GRIK2: variants seen among roughly 807,000 people sequenced by gnomAD.
The protein encoded by GRIK2 is glutamate ionotropic receptor kainate type subunit 2.
GRIK2 carries 32 observed loss-of-function variants against 100.3 expected under a neutral mutation model. The ratio of observed to expected loss-of-function variants is 0.32; its 90% CI spans 0.24 to 0.43. GRIK2 has a LOEUF of 0.43. GRIK2 is among the 20% of genes least tolerant of loss of function. GRIK2 has a pLI of 1.00. For missense variants in GRIK2, 843 were observed against 1,114.9 expected, an observed-to-expected ratio of 0.76 and a Z score of 3.47; for synonymous variants, 417 against 389.4, an observed-to-expected ratio of 1.07 and a Z score of -0.83.
intron 14 of GRIK2, among the ~76,000 whole-genome samples, chr6:101,992,664 T>C (rs1002857913): frequency 4.0e-5 from 6 of 151,616 alleles, no homozygotes; most frequent in Admixed American, 4.0e-4. Flanking sequence ...CAAAATCAGA[T>C]TCAGTTTGCA....
intron 10 of GRIK2, among the ~76,000 whole-genome samples, chr6:101,858,662 T>C (rs1039427476): frequency 6.6e-6 from 1 of 152,056 alleles, no homozygotes; most frequent in Non-Finnish European, 1.5e-5. Flanking sequence ...GTGCTGGGAT[T>C]ACAGGTGCAA....
At chr6:102,049,124 G>A (rs1021848871) in intron 15 of GRIK2, among the ~76,000 whole-genome samples, 5 of 152,046 alleles carry the variant, frequency 3.3e-5, no homozygotes, top group Non-Finnish European at 5.9e-5. Context: ...TTCAAAGCCA[G>A]TTGTGGAACT....
At chr6:101,898,106 G>T (rs1397987738) in intron 12 of GRIK2, among the ~76,000 whole-genome samples, 4 of 151,744 alleles carry the variant, frequency 2.6e-5, no homozygotes, top group Admixed American at 2.0e-4. Flanking sequence ...ATTAGTAACT[G>T]TGTGTTTTTA....
intron 2 of GRIK2, among the ~76,000 whole-genome samples, chr6:101,558,191 G>A (rs1776835548): frequency 6.6e-6 from 1 of 152,158 alleles, no homozygotes; most frequent in Non-Finnish European, 1.5e-5. Context: ...CATGCAGAAG[G>A]CTGTATCATT....
intron 7 of GRIK2, among the ~76,000 whole-genome samples, chr6:101,744,192 T>G (rs2128379580): frequency 6.6e-6 from 1 of 152,088 alleles, no homozygotes; most frequent in South Asian, 2.1e-4. Context: ...TCCGCCCGCC[T>G]CGGCCTCCCA....
intron 2 of GRIK2, among the ~76,000 whole-genome samples, chr6:101,578,851 A>G (rs1426431989): frequency 6.6e-6 from 1 of 152,198 alleles, no homozygotes; most frequent in Admixed American, 6.5e-5. Flanking sequence ...CCAGCAACAT[A>G]TAAATTCCAT....
intron 14 of GRIK2, chr6:101,993,332 A>G (rs549879490): frequency 6.6e-6 from 1 of 151,618 alleles, no homozygotes; most frequent in African/African-American, 2.4e-5. Flanking sequence ...TATTTTCTCA[A>G]AGTAAAAAGG....
intron 2 of GRIK2, among the ~76,000 whole-genome samples, chr6:101,415,110 T>A (rs931633278): frequency 6.6e-6 from 1 of 152,112 alleles, no homozygotes; most frequent in Admixed American, 6.6e-5. Flanking sequence ...CATGCAGCTA[T>A]AATCACTGTT....
intron 4 of GRIK2, among the ~76,000 whole-genome samples, chr6:101,639,363 T>G (rs1781176899): frequency 6.6e-6 from 1 of 152,184 alleles, no homozygotes; most frequent in Non-Finnish European, 1.5e-5. Flanking sequence ...ACAGTTATGT[T>G]GACCTAGTGT....
chr6:101,850,278 T>A (rs914952551), intron 10 of GRIK2, among the ~76,000 whole-genome samples: 2 of 152,060 alleles, frequency 1.3e-5, no homozygotes, highest in African/African-American at 2.4e-5. Context: ...TTGATTTGTT[T>A]TTCATTGTTC....
chr6:101,527,451 T>A (rs1767307651), intron 2 of GRIK2, among the ~76,000 whole-genome samples: 1 of 152,192 alleles, frequency 6.6e-6, no homozygotes, highest in East Asian at 1.9e-4. Flanking sequence ...GAGATACCTC[T>A]TATCAAGGCA....
At chr6:101,403,926 A>G (rs1775468549) in intron 2 of GRIK2, among the ~76,000 whole-genome samples, 3 of 152,220 alleles carry the variant, frequency 2.0e-5, no homozygotes, top group Non-Finnish European at 2.9e-5. Context: ...AGTTTTTCTC[A>G]TAAGTTCTCA....
rs376865962 is a variant in GRIK2, at chr6:101,626,569, G to A, written c.473G>A (p.Arg158His). The change falls in exon 4 of 17, where the codon CGT becomes CAT. Residue 158 changes from arginine to histidine, a missense_variant. Around this residue, in one of 3 missense-constraint regions of GRIK2, gnomAD observed 519 missense variants for 643.8 expected, o/e 0.81. Coordinates refer to ENST00000369134, the MANE Select transcript of GRIK2 (RefSeq NM_021956.5). ...SLYPDFSSLS[R>H]AILDLVQFFK... Reference sequence around the variant, plus strand: ...TACCCAGACTTCTCTTCACTCAGCCGTGCCATTTTAGACCTGGTGCAGTTT... The same window carrying A: ...TACCCAGACTTCTCTTCACTCAGCCATGCCATTTTAGACCTGGTGCAGTTT... 169 of 1,613,720 alleles carry A rather than the reference G, an allele frequency of 1.0e-4. No individual in the cohort carries two copies. The highest frequency in any genetic ancestry group is 1.3e-4 in the Non-Finnish European group (156 of 1,179,698).
At chr6:101,725,758 G>A (rs12201996) in intron 7 of GRIK2, among the ~76,000 whole-genome samples, 17,352 of 151,910 alleles carry the variant, frequency 0.11, 1,312 homozygotes, top group Non-Finnish European at 0.17. Flanking sequence ...GAATTCAAGA[G>A]AGTATCATTT....
In GRIK2 at chr6:101,741,798, G is replaced by A. The variant is rs539647177; in HGVS notation, c.951+55445G>A. Among the ~76,000 whole-genome samples the A allele has an allele frequency of 5.3e-5, 8 of 152,264 alleles. No individual in the cohort carries two copies. In the East Asian group the frequency reaches 9.6e-4, roughly 18 times the overall value. ...TTGAAAATAATCTTTATGCTAAACC[G>A]TGATCTCTTTACATGTGATAACTCT... On this transcript the variant is annotated intron_variant, in intron 7 of 16. Transcript: ENST00000369134.
intron 11 of GRIK2, among the ~76,000 whole-genome samples, chr6:101,873,165 A>G (rs201522246): frequency 1.3e-5 from 2 of 152,164 alleles, no homozygotes; most frequent in African/African-American, 4.8e-5. Context: ...TTATACATGT[A>G]TACATGTGCC....
At chr6:101,584,147 T>G (rs1335516914) in intron 2 of GRIK2, among the ~76,000 whole-genome samples, 1 of 152,046 alleles carries the variant, frequency 6.6e-6, no homozygotes. Flanking sequence ...GAATTTGTAT[T>G]TATAAGATAG....
chr6:101,452,879 C>G (rs1046272815), intron 2 of GRIK2, among the ~76,000 whole-genome samples: 1 of 151,830 alleles, frequency 6.6e-6, no homozygotes, highest in Non-Finnish European at 1.5e-5. Context: ...ATTTAATAGT[C>G]TCAGTCTCTA....
At chr6:101,680,298 C>G (rs961045409) in intron 5 of GRIK2, among the ~76,000 whole-genome samples, 2 of 152,116 alleles carry the variant, frequency 1.3e-5, no homozygotes, top group African/African-American at 4.8e-5. Context: ...TCCATGTTTT[C>G]AAATTTTCAA....
Sources: gnomAD v4.1 joint callset for allele counts (sites outside exome capture counted in the v4.1 genomes callset) on GRCh38, gnomAD v4.1.1 for gene constraint, gnomAD v4.1.1 regional missense constraint, MANE v1.5 for transcripts, NCBI Gene and HGNC (gene_info 2026-07-23, HGNC 2026-07-21) for gene names.